The following HMGB1 variants were observed in gnomAD, a reference collection of about 807,000 sequenced individuals.
The protein encoded by HMGB1 is high mobility group protein B1.
For missense variants in HMGB1, 79 were observed against 253.5 expected, an observed-to-expected ratio of 0.31 and a Z score of 4.67; for synonymous variants, 81 against 84.0, an observed-to-expected ratio of 0.96 and a Z score of 0.19.
chr13:30,556,238 C>G (rs1869681897), intron 1 of HMGB1, among the ~76,000 whole-genome samples: 1 of 152,138 alleles, frequency 6.6e-6, no homozygotes, highest in South Asian at 2.1e-4. Context: ...AACCTTGTCT[C>G]TACTAAAAAC....
intron 1 of HMGB1, among the ~76,000 whole-genome samples, chr13:30,505,948 C>T (rs961176419): frequency 6.6e-6 from 1 of 151,886 alleles, no homozygotes; most frequent in South Asian, 2.1e-4. Flanking sequence ...TGGTCTTGAA[C>T]CCCTGGCGTC....
chr13:30,536,271 T>C (rs1183892639), intron 1 of HMGB1, among the ~76,000 whole-genome samples: 1 of 152,236 alleles, frequency 6.6e-6, no homozygotes, highest in Non-Finnish European at 1.5e-5. Flanking sequence ...ATTGACTTCC[T>C]ATCATAGGGT....
At chr13:30,512,665 A>C (rs769981201) in intron 1 of HMGB1, among the ~76,000 whole-genome samples, 2 of 152,228 alleles carry the variant, frequency 1.3e-5, no homozygotes, top group Non-Finnish European at 2.9e-5. Context: ...AAGTAAGGCC[A>C]CTGCTGAGAA....
chr13:30,520,598 CCA>C (rs754779726), intron 1 of HMGB1, among the ~76,000 whole-genome samples: 5 of 151,970 alleles, frequency 3.3e-5, no homozygotes, highest in Non-Finnish European at 5.9e-5. Context: ...TCAGCCTGGG[CCA>C]CAGAGTGAGA....
intron 1 of HMGB1, among the ~76,000 whole-genome samples, chr13:30,582,995 T>G (rs1870970683): frequency 6.6e-6 from 1 of 152,158 alleles, no homozygotes. Context: ...TGAGTCTTCT[T>G]GCTTCCATTC....
intron 1 of HMGB1, among the ~76,000 whole-genome samples, chr13:30,558,610 C>T (rs981045456): frequency 4.6e-5 from 7 of 152,068 alleles, no homozygotes. Context: ...GTTAGTGAAA[C>T]ACCAAGTCTG....
intron 1 of HMGB1, among the ~76,000 whole-genome samples, chr13:30,537,767 G>C (rs547801459): frequency 1.4e-5 from 2 of 146,890 alleles, no homozygotes; most frequent in East Asian, 2.0e-4. Context: ...CTAGAGATAG[G>C]GCTGTCATAA....
chr13:30,535,828 T>C (rs1868409595), intron 1 of HMGB1, among the ~76,000 whole-genome samples: 1 of 152,248 alleles, frequency 6.6e-6, no homozygotes, highest in South Asian at 2.1e-4. Flanking sequence ...AGGCAGAGGT[T>C]GCAGGGAGTT....
At chr13:30,605,417 C>T (rs373592361) in intron 1 of HMGB1, among the ~76,000 whole-genome samples, 1 of 152,134 alleles carries the variant, frequency 6.6e-6, no homozygotes, top group East Asian at 1.9e-4. Flanking sequence ...GAGGAGGAAC[C>T]ATCAAAAGAT....
chr13:30,528,394 A>G (rs1010866511), intron 1 of HMGB1, among the ~76,000 whole-genome samples: 2 of 152,138 alleles, frequency 1.3e-5, no homozygotes, highest in Admixed American at 1.3e-4. Flanking sequence ...TGAGGAACAG[A>G]AAGATCACTA....
chr13:30,537,379 C>T (rs900082355), intron 1 of HMGB1, among the ~76,000 whole-genome samples: 1 of 151,804 alleles, frequency 6.6e-6, no homozygotes. Flanking sequence ...AATCATTTTA[C>T]AAAATGAACA....
intron 1 of HMGB1, among the ~76,000 whole-genome samples, chr13:30,604,590 C>T (rs1240970187): frequency 6.6e-6 from 1 of 152,180 alleles, no homozygotes; most frequent in African/African-American, 2.4e-5. Context: ...TATAATCTGT[C>T]CTAGAATGTA....
At chr13:30,611,880 A>C (rs2137575935) in intron 1 of HMGB1, among the ~76,000 whole-genome samples, 1 of 152,240 alleles carries the variant, frequency 6.6e-6, no homozygotes, top group East Asian at 1.9e-4. Context: ...TTGATGAAAA[A>C]GTTAATAGCT....
At chr13:30,549,095 A>C (rs189681134) in intron 1 of HMGB1, among the ~76,000 whole-genome samples, 82 of 152,186 alleles carry the variant, frequency 5.4e-4, no homozygotes, top group African/African-American at 1.9e-3. Context: ...CCAGGAGTTC[A>C]ACACCAGCCT....
intron 1 of HMGB1, among the ~76,000 whole-genome samples, chr13:30,614,688 T>C (rs1466004952): frequency 1.3e-5 from 2 of 151,792 alleles, no homozygotes; most frequent in African/African-American, 4.8e-5. Context: ...ACATTACGAG[T>C]TGTCATGTTT....
intron 1 of HMGB1, among the ~76,000 whole-genome samples, chr13:30,600,226 A>C (rs1950385903): frequency 2.0e-5 from 3 of 152,222 alleles, no homozygotes; most frequent in Admixed American, 2.0e-4. Context: ...TGGCAGAGCA[A>C]TCTATTAAGT....
At chr13:30,501,877 T>C (rs1000476268) in intron 1 of HMGB1, among the ~76,000 whole-genome samples, 1 of 152,202 alleles carries the variant, frequency 6.6e-6, no homozygotes, top group African/African-American at 2.4e-5. Context: ...CTATTGAACA[T>C]AGTTACAGCT....
chr13:30,495,872 T>C (rs1374399603), intron 1 of HMGB1, among the ~76,000 whole-genome samples: 1 of 152,188 alleles, frequency 6.6e-6, no homozygotes, highest in Non-Finnish European at 1.5e-5. Flanking sequence ...TCTCAGGTAA[T>C]GTGGTTCCCA....
exon 1 of HMGB1, chr13:30,616,925 T>C (rs1012955407): frequency 2.0e-5 from 3 of 152,188 alleles, no homozygotes; most frequent in Non-Finnish European, 4.4e-5. Flanking sequence ...AAACTACAAA[T>C]TGTTATCCTA....
Sources: gnomAD v4.1 joint callset for allele counts (sites outside exome capture counted in the v4.1 genomes callset) on GRCh38, gnomAD v4.1.1 for gene constraint, MANE v1.5 for transcripts, NCBI Gene and HGNC (gene_info 2026-07-23, HGNC 2026-07-21) for gene names.